Variants in TDP2 observed in about 807,000 individuals in gnomAD.
TDP2 encodes tyrosyl-DNA phosphodiesterase 2.
TDP2 carries 38 observed loss-of-function variants against 42.8 expected under a neutral mutation model. The observed-to-expected ratio is 0.89, with a 90% confidence interval of 0.68 to 1.16. The LOEUF (loss-of-function observed/expected upper bound fraction) is 1.16. Among genes scored for constraint, TDP2 ranks in the 50% most tolerant of loss-of-function variants. TDP2 has a pLI of 0.00. For synonymous variants in TDP2, 173 were observed against 150.6 expected (o/e 1.15, Z -1.09); for missense variants, 439 against 439.3 (o/e 1.00, Z 0.01).
chr6:24,666,884 C>A lies in TDP2; in HGVS notation c.-22G>T. ...CCATCTTCCTGCCGCCTCTGCACCGCCCCTTTAAGCGGAACAGGAGGCCAA... is the reference window on the plus strand; with the variant it reads ...CCATCTTCCTGCCGCCTCTGCACCGACCCTTTAAGCGGAACAGGAGGCCAA... On this transcript the variant is annotated 5_prime_UTR_variant, in exon 1 of 7. Coordinates refer to ENST00000378198, the MANE Select transcript of TDP2 (RefSeq NM_016614.3). The A allele has an allele frequency of 6.2e-7, 1 of 1,612,128 alleles. No homozygotes were observed. Among genetic ancestry groups the A allele is most frequent in the South Asian group, 1.1e-5 (1 of 91,088 alleles).
At chr6:24,658,917 T>C in intron 2 of TDP2, 183 bp from the exon 3 acceptor site, 1 of 620,932 alleles carries the variant, frequency 1.6e-6, no homozygotes, top group South Asian at 2.1e-5. Context: ...TGAGCATTAA[T>C]CACGCTGCAC....
chr6:24,662,305 T>C (rs1402379659), intron 2 of TDP2, among the ~76,000 whole-genome samples: 1 of 152,038 alleles, frequency 6.6e-6, no homozygotes, highest in African/African-American at 2.4e-5. Context: ...GGAAGGCATC[T>C]GTCTCCTGCT....
rs376542386 is a variant in TDP2, at chr6:24,657,825, A to G, written c.504T>C (p.Tyr168=). The change falls in exon 4 of 7, where the codon TAT becomes TAC. Residue 168 remains tyrosine, a synonymous_variant. Coordinates refer to ENST00000378198, the MANE Select transcript of TDP2 (RefSeq NM_016614.3). ...YSYLKKRSSN[Y]EIITGHEEGY... ...AAAAATTGTTACCTGTAATAATCTC[A>G]TAATTACTTGATCTCTTCTTTAGGT... 28 of 1,552,748 alleles carry G rather than the reference A, an allele frequency of 1.8e-5. No individual in the cohort carries two copies. The South Asian group carries it at 2.8e-4, about 16-fold the overall frequency.
At chr6:24,651,447 C>A (rs1478059231) in intron 6 of TDP2, among the ~76,000 whole-genome samples, 7 of 152,166 alleles carry the variant, frequency 4.6e-5, no homozygotes, top group Non-Finnish European at 5.9e-5. Flanking sequence ...AGAAGTATAG[C>A]ATTCATATGA....
chr6:24,656,940 C>A (rs9467251), intron 4 of TDP2, among the ~76,000 whole-genome samples: 19,288 of 152,042 alleles, frequency 0.13, 2,239 homozygotes, highest in East Asian at 0.45. Flanking sequence ...CAAGAGAATA[C>A]AAAATAGTTC....
chr6:24,654,817 G>T (rs1250587911), intron 4 of TDP2, among the ~76,000 whole-genome samples: 1 of 152,104 alleles, frequency 6.6e-6, no homozygotes, highest in Non-Finnish European at 1.5e-5. Flanking sequence ...GAGGTGGGCG[G>T]ATCACCTGAG....
rs1252676961 is a variant in TDP2 at position 24,650,045 on chromosome 6, A to G, written c.*743T>C. The G allele has an allele frequency of 1.3e-5, 2 of 152,248 alleles. No individual in the cohort carries two copies. Among genetic ancestry groups the G allele is most frequent in the African/African-American group, 4.8e-5 (2 of 41,474 alleles). 9.4% of individuals were successfully genotyped at this position (152,248 alleles called of 1,614,324 possible). ...ATATTTTTCTTTAAAGCACACTTAA[A>G]AGTAATTTGCATTTACTTCCTGTAA... On this transcript the variant is annotated 3_prime_UTR_variant, in exon 7 of 7. Transcript: ENST00000378198.
chr6:24,657,724 T>A, intron 4 of TDP2, 88 bp downstream of exon 4: 1 of 633,704 alleles, frequency 1.6e-6, no homozygotes, highest in East Asian at 3.1e-5. Flanking sequence ...CTTTTTCCTC[T>A]CTATGTCCCA....
In TDP2 at chr6:24,658,846, G is replaced by T. The variant is rs955436318; in HGVS notation, c.252-112C>A. ...GACAAATTTTAAAAGAGCCCTAAAA[G>T]TGACACTGTCCTTACAGGGTTAACA... On this transcript the variant is annotated intron_variant, in intron 2 of 6. Coordinates refer to ENST00000378198, the MANE Select transcript of TDP2 (RefSeq NM_016614.3). 6.6e-6 allele frequency: 7 copies of T among 1,056,112 alleles called. No individual in the cohort carries two copies. In the African/African-American group the frequency reaches 9.7e-5, roughly 15 times the overall value. 65.4% of individuals were successfully genotyped at this position (1,056,112 alleles called of 1,614,324 possible).
chr6:24,665,944 G>GAA (rs1414244398), intron 2 of TDP2: 3 of 795,346 alleles, frequency 3.8e-6, no homozygotes, highest in Non-Finnish European at 5.2e-6. Context: ...TGACCCGTTG[G>GAA]AAAAAAGTAA....
At chr6:24,655,839 G>C (rs931882949) in intron 4 of TDP2, among the ~76,000 whole-genome samples, 5 of 152,198 alleles carry the variant, frequency 3.3e-5, no homozygotes, top group Non-Finnish European at 7.3e-5. Flanking sequence ...TTAAAGGCCT[G>C]TATATACCAA....
intron 3 of TDP2, 24 bp from the exon 4 acceptor site, chr6:24,657,927 A>G (rs779810274): frequency 2.4e-5 from 35 of 1,428,822 alleles, no homozygotes; most frequent in Non-Finnish European, 3.3e-5. Flanking sequence ...TCAATTTATG[A>G]CAAATACCAA....
At chr6:24,664,528 T>C (rs1778202070) in intron 2 of TDP2, among the ~76,000 whole-genome samples, 1 of 152,126 alleles carries the variant, frequency 6.6e-6, no homozygotes, top group Admixed American at 6.5e-5. Flanking sequence ...ACTAAATCAC[T>C]TTAGTGTTCA....
chr6:24,664,813 C>T (rs567291660), intron 2 of TDP2, among the ~76,000 whole-genome samples: 1 of 152,284 alleles, frequency 6.6e-6, no homozygotes, highest in East Asian at 1.9e-4. Context: ...TCATACTTGA[C>T]CTGAGTTCTG....
Position 24,666,712 on chromosome 6 carries a change from C to T in TDP2, c.151G>A (p.Asp51Asn). 3.7e-6 allele frequency: 6 copies of T among 1,614,256 alleles called. No individual in the cohort carries two copies. Among genetic ancestry groups the T allele is most frequent in the Non-Finnish European group, 5.1e-6 (6 of 1,180,042 alleles). Residue 51 changes from aspartate (D) to asparagine (N), a missense_variant, in exon 1 of 7, where the codon GAC (aspartate) becomes AAC (asparagine). Transcript: ENST00000378198. ...AVAQCFLAEN[D>N]WEMERALNSY... ...CGAAAGCGTACTTCCATCTCCCAGT[C>T]GTTCTCGGCCAGGAAGCACTGAGCC...
intron 2 of TDP2, among the ~76,000 whole-genome samples, chr6:24,661,565 T>C (rs769233122): frequency 3.3e-5 from 5 of 152,228 alleles, no homozygotes; most frequent in Non-Finnish European, 5.9e-5. Context: ...CCTTTCATTC[T>C]ATGAAATCAG....
At position 24,660,169 on chromosome 6, in the gene TDP2, A is replaced by C. The variant is rs559970006; in HGVS notation, c.252-1435T>G. Reference sequence around the variant, plus strand: ...CTCAAATATTAACATTTTACTTAACATTTACTTGCTTTATTCTTTTTATTC... The same window carrying C: ...CTCAAATATTAACATTTTACTTAACCTTTACTTGCTTTATTCTTTTTATTC... On this transcript the variant is annotated intron_variant, in intron 2 of 6. Coordinates refer to ENST00000378198, the MANE Select transcript of TDP2 (RefSeq NM_016614.3). Among the ~76,000 whole-genome samples the C allele has an allele frequency of 2.6e-5, 4 of 152,320 alleles. No homozygotes were observed. In the East Asian group the frequency reaches 7.7e-4, roughly 29 times the overall value.
intron 3 of TDP2, 107 bp from the exon 4 acceptor site, chr6:24,658,010 G>A (rs1778084585): frequency 3.0e-6 from 2 of 667,182 alleles, no homozygotes; most frequent in Non-Finnish European, 2.6e-6. Context: ...AACCCTCTAG[G>A]GCACCTAATA....
chr6:24,662,594 G>A (rs1216596070), intron 2 of TDP2, among the ~76,000 whole-genome samples: 2 of 143,526 alleles, frequency 1.4e-5, no homozygotes, highest in Admixed American at 7.4e-5. Context: ...CCCCCTCACC[G>A]AGATGGGGAT....
Sources: gnomAD v4.1 joint callset for allele counts (sites outside exome capture counted in the v4.1 genomes callset) on GRCh38, gnomAD v4.1.1 for gene constraint, MANE v1.5 for transcripts, NCBI Gene and HGNC (gene_info 2026-07-23, HGNC 2026-07-21) for gene names.